PKHD1: variants seen among roughly 807,000 people sequenced by gnomAD.
PKHD1 encodes the protein fibrocystin.
A neutral mutation model predicts 412.0 loss-of-function variants in PKHD1; 291 were observed. The observed-to-expected ratio is 0.71, with a 90% confidence interval of 0.64 to 0.78. The LOEUF (loss-of-function observed/expected upper bound fraction) is 0.78. Among genes scored for constraint, PKHD1 ranks in the 30% least tolerant of loss-of-function variants. The pLI is 0.00. For missense variants in PKHD1, 4,825 were observed against 4,950.7 expected (o/e 0.97, Z 0.76); for synonymous variants, 1,777 against 1,821.5 (o/e 0.98, Z 0.62).
intron 36 of PKHD1, among the ~76,000 whole-genome samples, chr6:51,958,181 A>T (rs997972217): frequency 2.0e-5 from 3 of 152,080 alleles, no homozygotes; most frequent in Admixed American, 2.0e-4. Flanking sequence ...TCGTGCAGAA[A>T]CTGGAATCTA....
rs1470725791 is a variant in PKHD1 at position 51,663,198 on chromosome 6, G to A, written c.10157-3229C>T. On this transcript the variant is annotated intron_variant, in intron 60 of 66. Transcript: ENST00000371117. The stretch of plus-strand genomic sequence containing the variant: ...CATGGGAAATCCTCAAATCACAGAG[G>A]TTCCCCTTTTCTAAACTTGGCAGCT... Among the ~76,000 whole-genome samples the A allele has an allele frequency of 3.3e-5, 5 of 152,088 alleles. No individual in the cohort carries two copies. In the East Asian group the frequency reaches 9.7e-4, roughly 29 times the overall value.
rs191708953 is a variant in PKHD1, at chr6:51,664,331, A to C, written c.10157-4362T>G. Among the ~76,000 whole-genome samples, 484 of 152,272 alleles carry C rather than the reference A, an allele frequency of 3.2e-3. 6 individuals are homozygous for C. Among genetic ancestry groups the C allele is most frequent in the Admixed American group, 0.012 (190 of 15,284 alleles). On this transcript the variant is annotated intron_variant, in intron 60 of 66. Coordinates refer to ENST00000371117, the MANE Select transcript of PKHD1 (RefSeq NM_138694.4). ...GCAGGCACTTGAGAGGGAGAGAAGGAGACAGAGGGAGAAAAGGGTTTGAAT... is the reference window on the plus strand; with the variant it reads ...GCAGGCACTTGAGAGGGAGAGAAGGCGACAGAGGGAGAAAAGGGTTTGAAT...
intron 40 of PKHD1, 26 bp from the exon 41 acceptor site, chr6:51,906,366 A>G: frequency 6.3e-7 from 1 of 1,597,182 alleles, no homozygotes; most frequent in Non-Finnish European, 8.6e-7. Context: ...TAAAGTAAAA[A>G]TTAGATATGG....
intron 46 of PKHD1, among the ~76,000 whole-genome samples, chr6:51,873,546 G>A (rs1776345118): frequency 6.6e-6 from 1 of 152,104 alleles, no homozygotes; most frequent in Non-Finnish European, 1.5e-5. Flanking sequence ...AAAATCCACT[G>A]AGCTATTCCC....
At position 52,060,055 on chromosome 6, in the gene PKHD1, A is replaced by C. The variant is rs1267494254; in HGVS notation, c.1119-13T>G. Reference sequence around the variant, plus strand: ...ACTGAGCCGTGCTCTGTAAAGTAGAACATAGAGTCAAGCAAGAGTAACCAA... The same window carrying C: ...ACTGAGCCGTGCTCTGTAAAGTAGACCATAGAGTCAAGCAAGAGTAACCAA... On this transcript the variant is annotated splice_polypyrimidine_tract_variant and intron_variant, in intron 14 of 66. Coordinates refer to ENST00000371117, the MANE Select transcript of PKHD1 (RefSeq NM_138694.4). 6.8e-7 allele frequency: 1 copy of C among 1,464,538 alleles called. No individual in the cohort carries two copies. Among genetic ancestry groups the C allele is most frequent in the Admixed American group, 1.7e-5 (1 of 59,840 alleles). 90.7% of individuals were successfully genotyped at this position (1,464,538 alleles called of 1,614,324 possible). A position where few individuals can be genotyped will look rare whatever the true frequency, so the allele number is the denominator to read the frequency against.
rs554483952 is a variant in PKHD1, at chr6:51,618,900, C to T, written c.*181G>A. On this transcript the variant is annotated 3_prime_UTR_variant, in exon 67 of 67. Coordinates refer to ENST00000371117, the MANE Select transcript of PKHD1 (RefSeq NM_138694.4). ...TGATAGCTGCAAAATATGTATGAGA[C>T]ATTTTTCAGTCTGTAAGCATTTATA... is the stretch of plus-strand genomic sequence containing the variant. 3 of 646,006 alleles carry T rather than the reference C, an allele frequency of 4.6e-6. No homozygotes were observed. The highest frequency in any genetic ancestry group is 2.7e-5 in the East Asian group (1 of 36,670). 40.0% of individuals were successfully genotyped at this position (646,006 alleles called of 1,614,324 possible). A position where few individuals can be genotyped will look rare whatever the true frequency, so the allele number is the denominator to read the frequency against.
intron 64 of PKHD1, among the ~76,000 whole-genome samples, chr6:51,635,222 G>A (rs746180516): frequency 6.6e-5 from 10 of 151,968 alleles, no homozygotes; most frequent in South Asian, 4.2e-4. Context: ...GAGCCACCCC[G>A]CACAGCCTAG....
chr6:52,008,264 T>C lies in PKHD1; in HGVS notation c.5751+2045A>G, dbSNP rs114665302. On this transcript the variant is annotated intron_variant, in intron 35 of 66. Transcript: ENST00000371117. ...TATCAACCACCCCTCATTATGAATC[T>C]CAGTTAACTCATCTCTGAAATGAAC... Among the ~76,000 whole-genome samples, 454 of 152,282 alleles carry C rather than the reference T, an allele frequency of 3.0e-3. 4 individuals are homozygous for C. The highest frequency in any genetic ancestry group is 0.01 in the African/African-American group (418 of 41,548).
At chr6:51,759,900 C>A (rs1032949724) in intron 55 of PKHD1, among the ~76,000 whole-genome samples, 2 of 152,242 alleles carry the variant, frequency 1.3e-5, no homozygotes, top group Admixed American at 1.3e-4. Context: ...AGTTCAAACT[C>A]CTTTTCATTG....
chr6:51,977,673 T>C (rs1377206042), intron 35 of PKHD1, among the ~76,000 whole-genome samples: 1 of 152,158 alleles, frequency 6.6e-6, no homozygotes, highest in Non-Finnish European at 1.5e-5. Context: ...TTCCACTCTC[T>C]AAGCCAGCTC....
At chr6:51,898,260 G>C (rs1780496547) in intron 43 of PKHD1, among the ~76,000 whole-genome samples, 2 of 149,282 alleles carry the variant, frequency 1.3e-5, no homozygotes, top group Non-Finnish European at 1.5e-5. Flanking sequence ...CCACATACTT[G>C]GAAGTAAAGC....
intron 64 of PKHD1, among the ~76,000 whole-genome samples, chr6:51,634,062 TAA>T (rs1003480277): frequency 2.1e-5 from 3 of 145,788 alleles, no homozygotes; most frequent in African/African-American, 7.5e-5. Flanking sequence ...CAGGTTTATT[TAA>T]AAAAAAAAAA....
chr6:51,892,141 CT>C (rs1779214378), intron 43 of PKHD1, among the ~76,000 whole-genome samples: 1 of 152,186 alleles, frequency 6.6e-6, no homozygotes, highest in Non-Finnish European at 1.5e-5. Flanking sequence ...CACTCCTGCA[CT>C]TCATTATTTT....
At chr6:51,760,947 G>C (rs9357707) in intron 55 of PKHD1, among the ~76,000 whole-genome samples, 48,588 of 151,902 alleles carry the variant, frequency 0.32, 9,649 homozygotes, top group East Asian at 0.69. Context: ...GGTTAGTGAG[G>C]ATGGAAAGAG....
chr6:52,076,358 T>C (rs761033814), intron 5 of PKHD1, 25 bp from the exon 6 acceptor site: 1 of 1,578,032 alleles, frequency 6.3e-7, no homozygotes, highest in Admixed American at 1.7e-5. Flanking sequence ...GTACCACAAG[T>C]GAGCATGTCA....
chr6:51,748,625 C>T lies in PKHD1; in HGVS notation c.8991G>A (p.Gly2997=). Residue 2997 remains glycine, a synonymous_variant, in exon 58 of 67, where the codon GGG becomes GGA. Coordinates refer to ENST00000371117, the MANE Select transcript of PKHD1 (RefSeq NM_138694.4). ...ATTCAACAGATGAGTACAATGGTGA[C>T]CCGAAGTTCTGAATTTCCACATTAA... The part of the protein sequence containing the change: ...QLLNVEIQNF[G]SPLYSSVEFS... 1.2e-6 allele frequency: 2 copies of T among 1,613,786 alleles called. No homozygotes were observed. The highest frequency in any genetic ancestry group is 2.2e-5 in the South Asian group (2 of 91,072).
At chr6:51,863,279 G>A (rs563221432) in intron 48 of PKHD1, among the ~76,000 whole-genome samples, 193 of 152,128 alleles carry the variant, frequency 1.3e-3, no homozygotes, top group African/African-American at 1.7e-3. Context: ...TTTTATGTAC[G>A]TCCTGTAAAA....
At position 51,888,089 on chromosome 6, in the gene PKHD1, T is replaced by A. The variant is rs61744503; in HGVS notation, c.6997-844A>T. ...TGGCTCTTTGAACAACTCAACGATT[T>A]GTCTATTGGCTGAAGGCCACATGAT... On this transcript the variant is annotated intron_variant, in intron 43 of 66. Coordinates refer to ENST00000371117, the MANE Select transcript of PKHD1 (RefSeq NM_138694.4). Among the ~76,000 whole-genome samples, 402 of 152,356 alleles carry A rather than the reference T, an allele frequency of 2.6e-3. 3 individuals are homozygous for A. Among genetic ancestry groups the A allele is most frequent in the African/African-American group, 8.9e-3 (372 of 41,586 alleles).
At chr6:52,036,643 G>A (rs555273163) in intron 27 of PKHD1, among the ~76,000 whole-genome samples, 7 of 151,912 alleles carry the variant, frequency 4.6e-5, no homozygotes, top group African/African-American at 9.7e-5. Context: ...AGTGTGACTC[G>A]GTGGACTAGT....
Sources: gnomAD v4.1 joint callset for allele counts (sites outside exome capture counted in the v4.1 genomes callset) on GRCh38, gnomAD v4.1.1 for gene constraint, MANE v1.5 for transcripts, NCBI Gene and HGNC (gene_info 2026-07-23, HGNC 2026-07-21) for gene names.